ZNF333: variants seen among roughly 807,000 people sequenced by gnomAD.
The protein encoded by ZNF333 is zinc finger protein 333.
A neutral mutation model predicts 76.1 loss-of-function variants in ZNF333; 61 were observed. The ratio of observed to expected loss-of-function variants is 0.80; its 90% CI spans 0.65 to 0.99. The LOEUF is 0.99. ZNF333 is among the 50% of genes least tolerant of loss of function. The probability of loss-of-function intolerance (pLI) is 0.00; values close to 1 mark genes in which losing one functional copy is unlikely to be tolerated. For missense variants in ZNF333, 717 were observed against 822.4 expected (o/e 0.87, Z 1.57); for synonymous variants, 284 against 305.0 (o/e 0.93, Z 0.72).
rs1419405807 is a variant in ZNF333, at chr19:14,728,361, T to C, written c.901-2814T>C. On this transcript the variant is annotated intron_variant, in intron 11 of 11. Coordinates refer to the ZNF333 transcript ENST00000540689. Reference sequence around the variant, plus strand: ...TAGTGTCTCTTCTTATGCTAGGGTGTGATGACAGTCTGTTTCTCTGAGGTC... The same window carrying C: ...TAGTGTCTCTTCTTATGCTAGGGTGCGATGACAGTCTGTTTCTCTGAGGTC... 2.0e-5 allele frequency among the ~76,000 whole-genome samples: 3 copies of C among 152,344 alleles called. No individual in the cohort carries two copies. The East Asian group carries it at 5.8e-4, about 29-fold the overall frequency.
chr19:14,701,329 T>C (rs986418330), intron 5 of ZNF333, among the ~76,000 whole-genome samples: 2 of 152,196 alleles, frequency 1.3e-5, no homozygotes, highest in Admixed American at 6.5e-5. Flanking sequence ...TTTGAACTTA[T>C]TAGCTCAAGT....
At position 14,721,053 on chromosome 19, in the gene ZNF333, AG is replaced by A; in HGVS notation, c.*1729del. 1 of 788,826 alleles carries A rather than the reference AG, an allele frequency of 1.3e-6. No individual in the cohort carries two copies. The highest frequency in any genetic ancestry group is 1.5e-6 in the Non-Finnish European group (1 of 650,828). 48.9% of individuals were successfully genotyped at this position (788,826 alleles called of 1,614,324 possible). On this transcript the variant is annotated 3_prime_UTR_variant, in exon 12 of 12. Transcript: ENST00000292530. ...TTGTAATGATAGTAAATACTTATTT[AG>A]AGTTTACTATTAATAGATAGTAGCC...
chr19:14,715,253 C>A, intron 7 of ZNF333, 129 bp from the exon 8 acceptor site: 1 of 704,950 alleles, frequency 1.4e-6, no homozygotes, highest in Non-Finnish European at 2.4e-6. Flanking sequence ...ATGTGTGTGT[C>A]CCTGTGAGTG....
intron 11 of ZNF333, chr19:14,731,110 C>T (rs893236447): frequency 2.3e-5 from 32 of 1,391,568 alleles, no homozygotes; most frequent in Non-Finnish European, 3.0e-5. Context: ...CAAGGATTGG[C>T]CCCTTTATTC....
intron 4 of ZNF333, among the ~76,000 whole-genome samples, chr19:14,696,054 C>T (rs940558788): frequency 1.3e-5 from 2 of 152,066 alleles, no homozygotes; most frequent in Admixed American, 6.6e-5. Context: ...ACCTGTAATC[C>T]CAGCTACTTG....
intron 1 of ZNF333, among the ~76,000 whole-genome samples, chr19:14,691,421 T>C (rs1320029864): frequency 2.6e-5 from 4 of 152,196 alleles, no homozygotes; most frequent in Non-Finnish European, 4.4e-5. Flanking sequence ...GTGGGATGTC[T>C]TTTTTAATAA....
downstream of ZNF333, among the ~76,000 whole-genome samples, chr19:14,723,620 A>C (rs955740632): frequency 6.6e-6 from 1 of 152,060 alleles, no homozygotes; most frequent in Non-Finnish European, 1.5e-5. Flanking sequence ...TTGTAAATGG[A>C]TTTGTTTTCT....
exon 12 of ZNF333, chr19:14,732,493 A>G (rs2042680540): frequency 6.6e-6 from 1 of 152,178 alleles, no homozygotes. Flanking sequence ...CTCATCACAT[A>G]TGTGATGAAT....
chr19:14,710,316 G>A (rs2042238404), intron 7 of ZNF333, among the ~76,000 whole-genome samples: 1 of 152,342 alleles, frequency 6.6e-6, no homozygotes, highest in East Asian at 1.9e-4. Context: ...GTAGGTGGAG[G>A]CCATTAGGAG....
At chr19:14,711,565 G>T (rs973364769) in intron 7 of ZNF333, among the ~76,000 whole-genome samples, 127 of 152,206 alleles carry the variant, frequency 8.3e-4, no homozygotes, top group African/African-American at 2.7e-3. Context: ...TACTCAGGAG[G>T]CTGAGGAGGG....
downstream of ZNF333, among the ~76,000 whole-genome samples, chr19:14,725,290 C>T (rs1187761235): frequency 6.6e-6 from 1 of 152,158 alleles, no homozygotes. Context: ...GAATACGTCC[C>T]ACCAGTCCCC....
chr19:14,705,953 T>A (rs2042097354), intron 6 of ZNF333: 1 of 385,506 alleles, frequency 2.6e-6, no homozygotes, highest in Non-Finnish European at 5.3e-6. Flanking sequence ...TCCTGAGCCC[T>A]GCATGAGGAG....
At chr19:14,694,906 A>C in intron 2 of ZNF333, 104 bp from the exon 3 acceptor site, 1 of 1,536,044 alleles carries the variant, frequency 6.5e-7, no homozygotes, top group South Asian at 1.2e-5. Flanking sequence ...TGGATTTTCC[A>C]TGCCTGCTGT....
chr19:14,705,212 T>C, intron 6 of ZNF333, 42 bp downstream of exon 6: 1 of 1,578,798 alleles, frequency 6.3e-7, no homozygotes, highest in Non-Finnish European at 8.7e-7. Flanking sequence ...CCAGGTGCAG[T>C]CAGGAAGGCC....
At chr19:14,691,094 A>G (rs1972736132) in intron 1 of ZNF333, among the ~76,000 whole-genome samples, 1 of 152,210 alleles carries the variant, frequency 6.6e-6, no homozygotes, top group African/African-American at 2.4e-5. Flanking sequence ...CTCCATCTCA[A>G]AAACAAAAAC....
At chr19:14,700,698 AAGTT>A (rs2041930760) in intron 5 of ZNF333, among the ~76,000 whole-genome samples, 1 of 152,088 alleles carries the variant, frequency 6.6e-6, no homozygotes, top group South Asian at 2.1e-4. Context: ...GTATTGGTGA[AAGTT>A]AGAGTTAGGG....
rs1180611568 is a variant in ZNF333, at chr19:14,698,935, T to TATATATACAC, written c.224-263_224-262insTATATACACA. On this transcript the variant is annotated intron_variant, in intron 4 of 11. Coordinates refer to ENST00000292530, the MANE Select transcript of ZNF333 (RefSeq NM_032433.4). The stretch of plus-strand genomic sequence containing the variant: ...ATATATATATATATATATATATATA[T>TATATATACAC]ACACACATATATATTTTCAATTTTA... Among the ~76,000 whole-genome samples, 286 of 139,288 alleles carry TATATATACAC rather than the reference T, an allele frequency of 2.1e-3. 2 individuals carry two copies. Among genetic ancestry groups the TATATATACAC allele is most frequent in the Middle Eastern group, 7.5e-3 (2 of 268 alleles). 91.4% of individuals were successfully genotyped at this position (139,288 alleles called of 152,430 possible).
At position 14,720,426 on chromosome 19, in the gene ZNF333, G is replaced by A. The variant is rs140757793; in HGVS notation, c.*1101G>A. The A allele has an allele frequency of 3.9e-4, 382 of 985,380 alleles. No homozygotes were observed. The African/African-American group carries it at 4.5e-3, about 12-fold the overall frequency. 61.0% of individuals were successfully genotyped at this position (985,380 alleles called of 1,614,324 possible). A position where few individuals can be genotyped will look rare whatever the true frequency, so the allele number is the denominator to read the frequency against. On this transcript the variant is annotated 3_prime_UTR_variant, in exon 12 of 12. Transcript: ENST00000292530. ...TCCTGTGACCATAAGGGTAAAAGCC[G>A]CAAGCTAAGAAGAGGGTGGCCGGAA...
At position 14,731,439 on chromosome 19, in the gene ZNF333, C is replaced by G. The variant is rs1192398267; in HGVS notation, c.*253C>G. ...AGGTTCCCCGCAAGGAGACTAAGGCCTGTGTGGGTCTTTGTTTCCCCAGCC... is the reference window on the plus strand; with the variant it reads ...AGGTTCCCCGCAAGGAGACTAAGGCGTGTGTGGGTCTTTGTTTCCCCAGCC... On this transcript the variant is annotated 3_prime_UTR_variant, in exon 12 of 12. Coordinates refer to the ZNF333 transcript ENST00000540689. The G allele has an allele frequency of 1.7e-5, 9 of 524,196 alleles. No homozygotes were observed. In the Admixed American group the frequency reaches 2.0e-4, roughly 12 times the overall value. The allele number at this position is 524,196 out of a possible 1,614,324, so 32.5% of individuals were successfully genotyped here. A position where few individuals can be genotyped will look rare whatever the true frequency, so the allele number is the denominator to read the frequency against.
Sources: allele counts gnomAD v4.1 joint callset (sites outside exome capture counted in the v4.1 genomes callset), GRCh38; gene constraint gnomAD v4.1.1; transcripts MANE v1.5; gene names NCBI Gene and HGNC (gene_info 2026-07-23, HGNC 2026-07-21).